Variants in TRMT9B observed in about 807,000 individuals in gnomAD.
TRMT9B encodes probable tRNA methyltransferase 9B.
In TRMT9B, 16 loss-of-function variants were observed where a neutral mutation model predicts 11.5. The ratio of observed to expected loss-of-function variants is 1.39; its 90% confidence interval spans 0.94 to 2.11. The LOEUF is 2.11. Ranked by LOEUF, TRMT9B falls within the 30% of genes most tolerant of loss-of-function variation. The pLI, the probability that TRMT9B is intolerant of heterozygous loss-of-function variation, is 0.00. For synonymous variants in TRMT9B, 274 were observed against 192.4 expected (o/e 1.42, Z -3.51); for missense variants, 941 against 553.8 (o/e 1.70, Z -7.02).
In TRMT9B at chr8:12,992,315, C is replaced by T. The variant is rs771137054; in HGVS notation, c.-2+1284C>T. On this transcript the variant is annotated intron_variant, in intron 2 of 4. Transcript: ENST00000524591. ...AGAGTTGAGAGTTCATGACAGTATC[C>T]GGAAAAATGTCCTAAGAGTGATAGA... is the stretch of plus-strand genomic sequence containing the variant. 4.6e-5 allele frequency among the ~76,000 whole-genome samples: 7 copies of T among 152,096 alleles called. No homozygotes were observed. The East Asian group carries it at 7.8e-4, about 17-fold the overall frequency.
chr8:12,970,474 A>G (rs1803444396), intron 1 of TRMT9B, among the ~76,000 whole-genome samples: 1 of 152,162 alleles, frequency 6.6e-6, no homozygotes, highest in Admixed American at 6.5e-5. Flanking sequence ...GGCTTGGTGC[A>G]GGGCCTCTTG....
intron 1 of TRMT9B, among the ~76,000 whole-genome samples, chr8:12,987,969 A>G (rs1245964851): frequency 6.6e-6 from 1 of 152,200 alleles, no homozygotes; most frequent in Non-Finnish European, 1.5e-5. Flanking sequence ...AAGCACAATT[A>G]TTACTGAATG....
chr8:13,003,420 C>A (rs1809827032), intron 2 of TRMT9B, among the ~76,000 whole-genome samples: 1 of 152,250 alleles, frequency 6.6e-6, no homozygotes, highest in Non-Finnish European at 1.5e-5. Context: ...CTTATCCTGC[C>A]TGGAAGGTCA....
intron 2 of TRMT9B, among the ~76,000 whole-genome samples, chr8:13,001,350 C>T (rs915313007): frequency 1.3e-5 from 2 of 152,136 alleles, no homozygotes; most frequent in African/African-American, 4.8e-5. Flanking sequence ...AGAGGAGGCA[C>T]AAGGCTCAGA....
chr8:12,952,238 C>G (rs1800723013), intron 1 of TRMT9B: 1 of 438,652 alleles, frequency 2.3e-6, no homozygotes, highest in Admixed American at 2.5e-5. Flanking sequence ...CATAGGGGAG[C>G]GGAGAGAAGC....
intron 1 of TRMT9B, chr8:12,952,760 G>T: frequency 2.3e-6 from 2 of 860,230 alleles, no homozygotes; most frequent in Non-Finnish European, 2.8e-6. Flanking sequence ...GTTGTTGTTT[G>T]ACGGAGTCTC....
In TRMT9B at chr8:13,012,596, G is replaced by C; in HGVS notation, c.155-88G>C. ...TCTCAAAATAAATAAATAAATAAAA[G>C]GTTAATTATATTTCTTGTTATGAGA... On this transcript the variant is annotated intron_variant, in intron 3 of 4. Coordinates refer to ENST00000524591, the MANE Select transcript of TRMT9B (RefSeq NM_020844.3). 2.1e-6 allele frequency: 3 copies of C among 1,438,556 alleles called. No individual in the cohort carries two copies. In the Admixed American group the frequency reaches 6.7e-5, roughly 32 times the overall value. 89.1% of individuals were successfully genotyped at this position (1,438,556 alleles called of 1,614,324 possible).
chr8:12,990,902 C>T lies in TRMT9B; in HGVS notation c.-131C>T, dbSNP rs1428587709. 6 of 1,289,388 alleles carry T rather than the reference C, an allele frequency of 4.7e-6. No individual in the cohort carries two copies. Among genetic ancestry groups the T allele is most frequent in the Non-Finnish European group, 5.1e-6 (5 of 988,594 alleles). 79.9% of individuals were successfully genotyped at this position (1,289,388 alleles called of 1,614,324 possible). On this transcript the variant is annotated 5_prime_UTR_variant, in exon 2 of 5. Transcript: ENST00000524591. ...AGAAGGACCGCACTATTTCATTTCACTCCTACAAGTTTTCATTTACGTTAC... is the reference window on the plus strand; with the variant it reads ...AGAAGGACCGCACTATTTCATTTCATTCCTACAAGTTTTCATTTACGTTAC...
At chr8:12,970,943 A>T (rs1803525727) in intron 1 of TRMT9B, among the ~76,000 whole-genome samples, 1 of 152,238 alleles carries the variant, frequency 6.6e-6, no homozygotes. Flanking sequence ...CAGTCTTAAA[A>T]GAGGAGAGGC....
intron 4 of TRMT9B, among the ~76,000 whole-genome samples, chr8:13,014,938 G>C (rs9785161): frequency 0.33 from 50,235 of 151,670 alleles, 8,758 homozygotes; most frequent in East Asian, 0.59. Flanking sequence ...GTGAGCACTT[G>C]TAATCCCACT....
intron 1 of TRMT9B, among the ~76,000 whole-genome samples, chr8:12,968,932 C>T (rs949778582): frequency 2.0e-5 from 3 of 152,158 alleles, no homozygotes; most frequent in African/African-American, 7.2e-5. Context: ...GAAAAGTGGG[C>T]TGGGTGAGGT....
intron 1 of TRMT9B, among the ~76,000 whole-genome samples, chr8:12,959,318 A>T (rs570163052): frequency 2.6e-5 from 4 of 152,208 alleles, no homozygotes; most frequent in Non-Finnish European, 5.9e-5. Flanking sequence ...GATTGCGGTC[A>T]AAACGCAGTC....
chr8:12,950,179 C>G (rs966562572), intron 1 of TRMT9B, among the ~76,000 whole-genome samples: 4 of 152,106 alleles, frequency 2.6e-5, no homozygotes, highest in African/African-American at 7.2e-5. Flanking sequence ...ATATCTAAAT[C>G]AGACATTGGA....
chr8:13,012,302 C>T (rs1234593769), intron 3 of TRMT9B: 17 of 983,394 alleles, frequency 1.7e-5, no homozygotes, highest in South Asian at 4.7e-5. Flanking sequence ...GTTGGCCAGG[C>T]ACAGTGGCTT....
intron 1 of TRMT9B, among the ~76,000 whole-genome samples, chr8:12,948,214 C>A (rs1053462104): frequency 1.5e-4 from 23 of 151,990 alleles, no homozygotes; most frequent in African/African-American, 5.6e-4. Context: ...TTGGGCAAAA[C>A]CATCTAAGAC....
At chr8:12,972,165 G>A (rs941020883) in intron 1 of TRMT9B, among the ~76,000 whole-genome samples, 10 of 152,162 alleles carry the variant, frequency 6.6e-5, no homozygotes, top group Admixed American at 5.9e-4. Flanking sequence ...AACAAATGAG[G>A]CAGGATGGCA....
At chr8:13,012,018 A>G (rs1475349999) in intron 3 of TRMT9B, 10 of 985,424 alleles carry the variant, frequency 1.0e-5, no homozygotes, top group Non-Finnish European at 1.2e-5. Context: ...ACAAAATGAA[A>G]TATGAATGTG....
At chr8:12,946,408 A>G (rs1200792971) in intron 1 of TRMT9B, among the ~76,000 whole-genome samples, 1 of 152,186 alleles carries the variant, frequency 6.6e-6, no homozygotes, top group Non-Finnish European at 1.5e-5. Flanking sequence ...AAATTGTCAG[A>G]CGGTGGTCAC....
chr8:12,960,800 C>T (rs1204892678), intron 1 of TRMT9B, among the ~76,000 whole-genome samples: 2 of 151,984 alleles, frequency 1.3e-5, no homozygotes, highest in South Asian at 2.1e-4. Flanking sequence ...TGCCATGGGT[C>T]GAGTGTGGGG....
Sources: gnomAD v4.1 joint callset for allele counts (sites outside exome capture counted in the v4.1 genomes callset) on GRCh38, gnomAD v4.1.1 for gene constraint, MANE v1.5 for transcripts, NCBI Gene and HGNC (gene_info 2026-07-23, HGNC 2026-07-21) for gene names.